B3GALT1: variants seen among roughly 807,000 people sequenced by gnomAD.
B3GALT1 encodes the protein UDP-Gal:betaGlcNAc beta 1,3-galactosyltransferase, polypeptide 1.
In B3GALT1, 10 loss-of-function variants were observed where a neutral mutation model predicts 23.2. That is an observed-to-expected ratio of 0.43 (90% CI 0.27 to 0.73). The LOEUF (loss-of-function observed/expected upper bound fraction) is 0.73. Among genes scored for constraint, B3GALT1 ranks in the 30% least tolerant of loss-of-function variants. The pLI, the probability that B3GALT1 is intolerant of heterozygous loss-of-function variation, is 0.21. For missense variants in B3GALT1, 299 were observed against 405.4 expected (o/e 0.74, Z 2.25); for synonymous variants, 156 against 141.5 (o/e 1.10, Z -0.73).
At chr2:167,655,710 T>C (rs775263889) in intron 3 of B3GALT1, among the ~76,000 whole-genome samples, 107 of 152,322 alleles carry the variant, frequency 7.0e-4, no homozygotes, top group African/African-American at 1.9e-3. Flanking sequence ...TTCTCAGTTA[T>C]ACATATGTGT....
intron 2 of B3GALT1, among the ~76,000 whole-genome samples, chr2:167,562,199 C>CA (rs1413402079): frequency 2.6e-5 from 4 of 152,110 alleles, no homozygotes; most frequent in African/African-American, 9.7e-5. Flanking sequence ...GAACCAAAGG[C>CA]AAAAACCACA....
At chr2:167,721,708 AG>A (rs1687239437) in intron 3 of B3GALT1, among the ~76,000 whole-genome samples, 1 of 152,226 alleles carries the variant, frequency 6.6e-6, no homozygotes, top group South Asian at 2.1e-4. Flanking sequence ...AAATCAATGT[AG>A]AATCTTGGGG....
intron 1 of B3GALT1, among the ~76,000 whole-genome samples, chr2:167,434,722 T>C (rs749464900): frequency 8.4e-5 from 11 of 131,498 alleles, no homozygotes; most frequent in African/African-American, 2.9e-4. Context: ...CCCCCCCCCT[T>C]ATTTTTTCCC....
chr2:167,821,495 C>T (rs982923931), intron 4 of B3GALT1, among the ~76,000 whole-genome samples: 5 of 136,678 alleles, frequency 3.7e-5, no homozygotes, highest in African/African-American at 1.1e-4. Context: ...AGTACAATGG[C>T]GTGATCTCTG....
chr2:167,821,136 G>C (rs957269073), intron 4 of B3GALT1, among the ~76,000 whole-genome samples: 5 of 152,146 alleles, frequency 3.3e-5, no homozygotes, highest in African/African-American at 9.7e-5. Context: ...GCTGAGGCTT[G>C]GGATGGGCAG....
chr2:167,536,984 T>G (rs1683439908), intron 2 of B3GALT1, among the ~76,000 whole-genome samples: 1 of 152,116 alleles, frequency 6.6e-6, no homozygotes, highest in South Asian at 2.1e-4. Flanking sequence ...CTACTAAAAG[T>G]CGCAGATCCC....
chr2:167,547,372 T>C (rs1363188928), intron 2 of B3GALT1, among the ~76,000 whole-genome samples: 1 of 152,098 alleles, frequency 6.6e-6, no homozygotes, highest in East Asian at 1.9e-4. Context: ...TTTAGTGAAA[T>C]TGAAACCCCA....
intron 1 of B3GALT1, among the ~76,000 whole-genome samples, chr2:167,363,070 G>T (rs1260056728): frequency 1.3e-5 from 2 of 151,606 alleles, no homozygotes; most frequent in Non-Finnish European, 2.9e-5. Flanking sequence ...GGCCAGGCTG[G>T]TCCCAAACTC....
chr2:167,866,703 A>G (rs1251049603), intron 4 of B3GALT1, among the ~76,000 whole-genome samples: 1 of 152,218 alleles, frequency 6.6e-6, no homozygotes, highest in Non-Finnish European at 1.5e-5. Context: ...AGCCTCTTCC[A>G]GGAGAGGCTT....
intron 2 of B3GALT1, among the ~76,000 whole-genome samples, chr2:167,590,537 G>C (rs1001697070): frequency 6.6e-6 from 1 of 151,692 alleles, no homozygotes; most frequent in African/African-American, 2.4e-5. Context: ...TAGAACCCAA[G>C]GGGGGAAAAA....
chr2:167,475,760 T>C lies in B3GALT1; in HGVS notation c.-510-14417T>C, dbSNP rs1402680673. 2.0e-5 allele frequency among the ~76,000 whole-genome samples: 3 copies of C among 152,156 alleles called. No homozygotes were observed. In the East Asian group the frequency reaches 5.8e-4, roughly 29 times the overall value. ...ACTGGCGGGCTCAAACAGTAGAAAT[T>C]AATTGTTTTACGGTTCTGGGGTCTG... On this transcript the variant is annotated intron_variant, in intron 1 of 4. Transcript: ENST00000392690.
At chr2:167,620,276 C>CTA (rs1039668041) in intron 2 of B3GALT1, among the ~76,000 whole-genome samples, 14 of 151,930 alleles carry the variant, frequency 9.2e-5, no homozygotes, top group African/African-American at 3.4e-4. Context: ...TATGGCTAAC[C>CTA]CATAAATACA....
intron 2 of B3GALT1, among the ~76,000 whole-genome samples, chr2:167,542,780 T>C (rs952488893): frequency 6.6e-6 from 1 of 151,312 alleles, no homozygotes; most frequent in Non-Finnish European, 1.5e-5. Context: ...TAATATCCTA[T>C]AGATCTTTGT....
chr2:167,442,675 T>A (rs1574080352), intron 1 of B3GALT1, among the ~76,000 whole-genome samples: 1 of 150,476 alleles, frequency 6.6e-6, no homozygotes, highest in Non-Finnish European at 1.5e-5. Flanking sequence ...CATAAATGTC[T>A]TCTTTTGAGA....
chr2:167,745,960 C>T (rs1687645764), intron 3 of B3GALT1, among the ~76,000 whole-genome samples: 1 of 152,116 alleles, frequency 6.6e-6, no homozygotes, highest in Non-Finnish European at 1.5e-5. Context: ...TCTCTTAACT[C>T]TCTCTAATAA....
intron 3 of B3GALT1, among the ~76,000 whole-genome samples, chr2:167,718,753 AT>A (rs35369267): frequency 0.28 from 43,153 of 151,928 alleles, 7,466 homozygotes; most frequent in Non-Finnish European, 0.4. Context: ...GTCAGGGGAG[AT>A]TTAGCAAGGC....
intron 2 of B3GALT1, among the ~76,000 whole-genome samples, chr2:167,504,527 GATAA>G: frequency 6.6e-6 from 1 of 152,166 alleles, no homozygotes; most frequent in African/African-American, 2.4e-5. Flanking sequence ...TTTAACTAGT[GATAA>G]ATAAAAAGTG....
rs77997813 is a variant in B3GALT1 at position 167,487,938 on chromosome 2, G to A, written c.-510-2239G>A. 1.4e-3 allele frequency among the ~76,000 whole-genome samples: 212 copies of A among 152,252 alleles called. 1 individual carries two copies. Among genetic ancestry groups the A allele is most frequent in the African/African-American group, 4.7e-3 (195 of 41,528 alleles). On this transcript the variant is annotated intron_variant, in intron 1 of 4. Transcript: ENST00000392690. ...AGAAGTAGATGCACCTGTCTTCCCAGCTGGGACTTGCTCATGGAAAAGAAG... is the reference window on the plus strand; with the variant it reads ...AGAAGTAGATGCACCTGTCTTCCCAACTGGGACTTGCTCATGGAAAAGAAG...
chr2:167,296,519 T>C (rs1321846800), intron 1 of B3GALT1, among the ~76,000 whole-genome samples: 1 of 152,160 alleles, frequency 6.6e-6, no homozygotes, highest in Non-Finnish European at 1.5e-5. Flanking sequence ...CAAAAACACA[T>C]GCATACTAGA....
Sources: gnomAD v4.1 joint callset for allele counts (sites outside exome capture counted in the v4.1 genomes callset) on GRCh38, gnomAD v4.1.1 for gene constraint, MANE v1.5 for transcripts, NCBI Gene and HGNC (gene_info 2026-07-23, HGNC 2026-07-21) for gene names.